KLRF1: variants seen among roughly 807,000 people sequenced by gnomAD.
KLRF1 encodes the protein killer cell lectin-like receptor subfamily F member 1.
A neutral mutation model predicts 30.7 loss-of-function variants in KLRF1; 27 were observed. The ratio of observed to expected loss-of-function variants is 0.88; its 90% CI spans 0.65 to 1.21. The LOEUF (loss-of-function observed/expected upper bound fraction) is 1.21. Ranked by LOEUF, KLRF1 falls within the 50% of genes most tolerant of loss-of-function variation. The pLI is 0.00. For synonymous variants in KLRF1, 92 were observed against 89.3 expected, an observed-to-expected ratio of 1.03 and a Z score of -0.17; for missense variants, 246 against 259.3, an observed-to-expected ratio of 0.95 and a Z score of 0.35.
chr12:9,828,379 C>A (rs1254478141), intron 1 of KLRF1, among the ~76,000 whole-genome samples: 1 of 152,098 alleles, frequency 6.6e-6, no homozygotes, highest in Non-Finnish European at 1.5e-5. Context: ...CCGCGCCCAG[C>A]CTTTAATACT....
chr12:9,842,867 C>T (rs1325621041), intron 5 of KLRF1, among the ~76,000 whole-genome samples: 1 of 151,990 alleles, frequency 6.6e-6, no homozygotes, highest in Non-Finnish European at 1.5e-5. Flanking sequence ...TTTAAAAGTT[C>T]TGTCAACATT....
At chr12:9,806,783 G>A in the KLRF1 span, among the ~76,000 whole-genome samples, 1 of 152,022 alleles carries the variant, frequency 6.6e-6, no homozygotes, top group East Asian at 1.9e-4. Flanking sequence ...TTGGGCTCAA[G>A]CAATCCTTCG....
At position 9,833,401 on chromosome 12, in the gene KLRF1, A is replaced by C. The variant is rs747419757; in HGVS notation, c.283A>C (p.Arg95=). The C allele has an allele frequency of 1.9e-6, 3 of 1,612,430 alleles. No individual in the cohort carries two copies. The African/African-American group carries it at 4.0e-5, about 22-fold the overall frequency. Residue 95 remains arginine, a synonymous_variant, in exon 3 of 6, where the codon AGA becomes CGA. Transcript: ENST00000617889. ...TCTAAAAGTGAATAATGGCACAAGA[A>C]GAAATATAAGTAATAAGGACCTTTG... ...GDLKVNNGTR[R]NISNKDLCAS... is the part of the protein sequence containing the mutation.
At chr12:9,816,954 C>T in the KLRF1 span, among the ~76,000 whole-genome samples, 7 of 151,778 alleles carry the variant, frequency 4.6e-5, no homozygotes, top group Non-Finnish European at 7.4e-5. Context: ...AGGGTGGTCT[C>T]GATCTGCTGA....
At chr12:9,836,754 T>G (rs1051389876) in intron 3 of KLRF1, among the ~76,000 whole-genome samples, 1 of 152,134 alleles carries the variant, frequency 6.6e-6, no homozygotes, top group Non-Finnish European at 1.5e-5. Context: ...TTTCCCAAAC[T>G]AATAGATATT....
the KLRF1 span, among the ~76,000 whole-genome samples, chr12:9,815,376 C>G: frequency 6.6e-6 from 1 of 152,332 alleles, no homozygotes; most frequent in Admixed American, 6.5e-5. Flanking sequence ...ACACTAACTT[C>G]TGAGAGAAGA....
intron 1 of KLRF1, among the ~76,000 whole-genome samples, chr12:9,832,008 G>A (rs775842423): frequency 3.5e-4 from 54 of 152,248 alleles, no homozygotes; most frequent in Non-Finnish European, 6.0e-4. Flanking sequence ...GAGTGCGTGT[G>A]TCTCCGCAAT....
intron 3 of KLRF1, 56 bp from the exon 4 acceptor site, chr12:9,841,756 T>C: frequency 7.1e-7 from 1 of 1,409,788 alleles, no homozygotes; most frequent in Non-Finnish European, 9.7e-7. Context: ...TTATGGCCAA[T>C]TTTCAGAGAT....
Position 9,842,420 on chromosome 12 carries a change from A to T in KLRF1, c.574A>T (p.Ile192Leu). The T allele has an allele frequency of 6.2e-7, 1 of 1,612,090 alleles. No homozygotes were observed. The highest frequency in any genetic ancestry group is 8.5e-7 in the Non-Finnish European group (1 of 1,178,774). The stretch of plus-strand genomic sequence containing the variant: ...ATGGACTTGGGTGGATGGTTCTCCA[A>T]TAGATTCAAAGATGTGAGTCTTTCT... Reference protein sequence around the residue: ...MTWTWVDGSPIDSKIFFIKGP... With the variant: ...MTWTWVDGSPLDSKIFFIKGP... The change falls in exon 5 of 6, where the codon ATA becomes TTA. Residue 192 changes from isoleucine (I) to leucine (L), a missense_variant. Physicochemically the swap from Ile to Leu is conservative, Grantham distance 5 (BLOSUM62 2). Transcript: ENST00000617889.
At chr12:9,843,144 A>G (rs1165921460) in intron 5 of KLRF1, among the ~76,000 whole-genome samples, 2 of 152,192 alleles carry the variant, frequency 1.3e-5, no homozygotes, top group Non-Finnish European at 2.9e-5. Flanking sequence ...TAGAAGAGGG[A>G]GGAAGCAGAA....
the KLRF1 span, among the ~76,000 whole-genome samples, chr12:9,800,915 T>C: frequency 6.6e-6 from 1 of 152,018 alleles, no homozygotes; most frequent in African/African-American, 2.4e-5. Context: ...TGTGCCATGG[T>C]GGATTGCTGC....
upstream of KLRF1, among the ~76,000 whole-genome samples, chr12:9,827,114 G>A (rs1442286851): frequency 6.6e-6 from 1 of 152,100 alleles, no homozygotes; most frequent in African/African-American, 2.4e-5. Context: ...CTTGGCAATT[G>A]CAAATTATTA....
At chr12:9,802,855 G>C in the KLRF1 span, among the ~76,000 whole-genome samples, 20 of 152,212 alleles carry the variant, frequency 1.3e-4, no homozygotes, top group Middle Eastern at 3.4e-3. Context: ...TGGATAGGAA[G>C]AGTCAGTATT....
the KLRF1 span, among the ~76,000 whole-genome samples, chr12:9,821,483 C>T: frequency 2.2e-4 from 34 of 152,204 alleles, no homozygotes; most frequent in Non-Finnish European, 4.3e-4. Context: ...CCCTGCTCAT[C>T]ACCAAGCAGA....
chr12:9,841,477 T>C (rs940816579), intron 3 of KLRF1, among the ~76,000 whole-genome samples: 1 of 152,066 alleles, frequency 6.6e-6, no homozygotes, highest in African/African-American at 2.4e-5. Context: ...AAAAAACCTT[T>C]GTGTGGATAA....
At chr12:9,837,886 C>A (rs1425858596) in intron 3 of KLRF1, among the ~76,000 whole-genome samples, 1 of 152,124 alleles carries the variant, frequency 6.6e-6, no homozygotes, top group African/African-American at 2.4e-5. Context: ...TGACTTGAAT[C>A]AAAATTACTA....
the KLRF1 span, among the ~76,000 whole-genome samples, chr12:9,811,509 T>C: frequency 8.4e-3 from 1,285 of 152,256 alleles, 16 homozygotes; most frequent in African/African-American, 0.029. Flanking sequence ...GAGCCCGTTA[T>C]ACTCACTTGC....
At chr12:9,805,282 G>T in the KLRF1 span, among the ~76,000 whole-genome samples, 5 of 151,954 alleles carry the variant, frequency 3.3e-5, no homozygotes, top group East Asian at 1.9e-4. Flanking sequence ...TCCAGTAAAG[G>T]CCTGGTCTCT....
At chr12:9,812,238 G>A in the KLRF1 span, among the ~76,000 whole-genome samples, 8 of 152,100 alleles carry the variant, frequency 5.3e-5, no homozygotes, top group African/African-American at 1.7e-4. Context: ...GGTGGCGGGC[G>A]CCTGTAGTCC....
Sources: allele counts gnomAD v4.1 joint callset (sites outside exome capture counted in the v4.1 genomes callset), GRCh38; gene constraint gnomAD v4.1.1; transcripts MANE v1.5; gene names NCBI Gene and HGNC (gene_info 2026-07-23, HGNC 2026-07-21).